MMP13: variants seen among roughly 807,000 people sequenced by gnomAD.
The protein encoded by MMP13 is collagenase 3.
In MMP13, 45 loss-of-function variants were observed where a neutral mutation model predicts 52.1. The ratio of observed to expected loss-of-function variants is 0.86; its 90% CI spans 0.68 to 1.11. The LOEUF (loss-of-function observed/expected upper bound fraction) is 1.11. MMP13 is among the 50% of genes least tolerant of loss of function. The pLI is 0.00. For missense variants in MMP13, 576 were observed against 583.8 expected (o/e 0.99, Z 0.14); for synonymous variants, 200 against 204.4 (o/e 0.98, Z 0.18).
At chr11:102,947,214 A>G (rs1162072654) in intron 8 of MMP13, among the ~76,000 whole-genome samples, 1 of 152,172 alleles carries the variant, frequency 6.6e-6, no homozygotes, top group Admixed American at 6.5e-5. Flanking sequence ...CTCTTTGGCC[A>G]CGGAAGATGG....
rs17860546 is a variant in MMP13 at position 102,951,152 on chromosome 11, G to C, written c.799+860C>G. 3.8e-3 allele frequency among the ~76,000 whole-genome samples: 581 copies of C among 152,144 alleles called. 2 individuals carry two copies. Among genetic ancestry groups the C allele is most frequent in the Non-Finnish European group, 5.6e-3 (380 of 67,982 alleles). On this transcript the variant is annotated intron_variant, in intron 5 of 9. Transcript: ENST00000260302. ...TAAATATTATTGAAAACTTGGGGGG[G>C]GAAGTGAAAAGGAAGAATTTTTTTT...
Position 102,947,865 on chromosome 11 carries a change from T to C in MMP13, c.1211+26A>G, listed in dbSNP as rs782036167. 2.5e-6 allele frequency: 4 copies of C among 1,613,438 alleles called. No individual in the cohort carries two copies. In the African/African-American group the frequency reaches 4.0e-5, roughly 16 times the overall value. On this transcript the variant is annotated intron_variant, in intron 8 of 9. Coordinates refer to ENST00000260302, the MANE Select transcript of MMP13 (RefSeq NM_002427.4). ...AGGCACTTTGCGGCTATGACACAGA[T>C]GGGTCAGTACCTACTGCTGCCATAC...
Position 102,955,117 on chromosome 11 carries a change from G to A in MMP13, c.362+135C>T, listed in dbSNP as rs959265413. ...AATGTAACAATAATAGATGTTATGA[G>A]GTATTCTCGGCAACCATATTAAAGC... On this transcript the variant is annotated intron_variant, in intron 2 of 9. Coordinates refer to ENST00000260302, the MANE Select transcript of MMP13 (RefSeq NM_002427.4). This position sits in a 1 kb window ranked among gnomAD's most constrained non-coding sequence, Gnocchi z 4.9. The A allele has an allele frequency of 2.2e-6, 2 of 925,040 alleles. No individual in the cohort carries two copies. Among genetic ancestry groups the A allele is most frequent in the East Asian group, 5.2e-5 (2 of 38,284 alleles). 57.3% of individuals were successfully genotyped at this position (925,040 alleles called of 1,614,324 possible). A position where few individuals can be genotyped will look rare whatever the true frequency, so the allele number is the denominator to read the frequency against.
chr11:102,947,251 A>G (rs368091938), intron 8 of MMP13, among the ~76,000 whole-genome samples: 1 of 152,192 alleles, frequency 6.6e-6, no homozygotes, highest in Admixed American at 6.5e-5. Context: ...GGAGAAAGTG[A>G]CAAGAAAGAG....
rs1057518391 is a variant in MMP13, at chr11:102,948,052, T to G, written c.1052-2A>C. On this transcript the variant is annotated splice_acceptor_variant, in intron 7 of 9. Coordinates refer to ENST00000260302, the MANE Select transcript of MMP13 (RefSeq NM_002427.4). LOFTEE classifies it high-confidence loss of function. ...CATTAAGAGCCCAAAATTTTCTACC[T>G]GGAATGAGTGAAATAACAGTTCTAT... 1.2e-6 allele frequency: 2 copies of G among 1,612,778 alleles called. No homozygotes were observed. Among genetic ancestry groups the G allele is most frequent in the Non-Finnish European group, 1.7e-6 (2 of 1,179,246 alleles).
At position 102,955,023 on chromosome 11, in the gene MMP13, T is replaced by C. The variant is rs1196395505; in HGVS notation, c.362+229A>G. Among the ~76,000 whole-genome samples, 1 of 152,180 alleles carries C rather than the reference T, an allele frequency of 6.6e-6. No individual in the cohort carries two copies. The highest frequency in any genetic ancestry group is 2.4e-5 in the African/African-American group (1 of 41,452). On this transcript the variant is annotated intron_variant, in intron 2 of 9. Coordinates refer to ENST00000260302, the MANE Select transcript of MMP13 (RefSeq NM_002427.4). This position sits in a 1 kb window ranked among gnomAD's most constrained non-coding sequence, Gnocchi z 4.9. ...TTTGCAAATTTTCTTTAACCTACTTTTATTTCTCTTTTGATTTCATCTCTA... is the reference window on the plus strand; with the variant it reads ...TTTGCAAATTTTCTTTAACCTACTTCTATTTCTCTTTTGATTTCATCTCTA...
chr11:102,950,203 G>A lies in MMP13; in HGVS notation c.824C>T (p.Pro275Leu). 1 of 1,613,770 alleles carries A rather than the reference G, an allele frequency of 6.2e-7. No individual in the cohort carries two copies. Among genetic ancestry groups the A allele is most frequent in the Non-Finnish European group, 8.5e-7 (1 of 1,179,704 alleles). The change falls in exon 6 of 10, where the codon CCT becomes CTT. Residue 275 changes from proline (P) to leucine (L), a missense_variant. Coordinates refer to ENST00000260302, the MANE Select transcript of MMP13 (RefSeq NM_002427.4). Reference sequence around the variant, plus strand: ...TTTGTCTGGCGTTTTTGGATGTTTAGGGTTGGGGTCTTCATCTCCTGGACC... The same window carrying A: ...TTTGTCTGGCGTTTTTGGATGTTTAAGGTTGGGGTCTTCATCTCCTGGACC... ...LYGPGDEDPN[P>L]KHPKTPDKCD...
intron 4 of MMP13, among the ~76,000 whole-genome samples, chr11:102,953,247 C>T (rs1485949239): frequency 6.6e-6 from 1 of 152,152 alleles, no homozygotes; most frequent in Non-Finnish European, 1.5e-5. Context: ...TCTACCTTAA[C>T]AATGCTGGAT....
In MMP13 at chr11:102,950,069, G is replaced by A. The variant is rs1860584078; in HGVS notation, c.917+41C>T. The A allele has an allele frequency of 4.0e-6, 6 of 1,507,052 alleles. No homozygotes were observed. The East Asian group carries it at 6.8e-5, about 17-fold the overall frequency. The allele number at this position is 1,507,052 out of a possible 1,614,324, so 93.4% of individuals were successfully genotyped here. On this transcript the variant is annotated intron_variant, in intron 6 of 9. Coordinates refer to ENST00000260302, the MANE Select transcript of MMP13 (RefSeq NM_002427.4). ...AATATGCAGAAGCAGCTTCACAGAT[G>A]TTTGTCGCATACAGACTTTATGAAA...
Position 102,943,310 on chromosome 11 carries a change from C to T in MMP13, c.*956G>A, listed in dbSNP as rs1860439558. 2.0e-5 allele frequency: 3 copies of T among 152,046 alleles called. No individual in the cohort carries two copies. The highest frequency in any genetic ancestry group is 7.2e-5 in the African/African-American group (3 of 41,406). 9.4% of individuals were successfully genotyped at this position (152,046 alleles called of 1,614,324 possible). On this transcript the variant is annotated 3_prime_UTR_variant, in exon 10 of 10. Coordinates refer to ENST00000260302, the MANE Select transcript of MMP13 (RefSeq NM_002427.4). ...GTCTCTTTTTTAATATACATACTTCCACTTTATAAGATATATTTTATTTCA... is the reference window on the plus strand; with the variant it reads ...GTCTCTTTTTTAATATACATACTTCTACTTTATAAGATATATTTTATTTCA...
At position 102,947,872 on chromosome 11, in the gene MMP13, G is replaced by A. The variant is rs373430218; in HGVS notation, c.1211+19C>T. On this transcript the variant is annotated intron_variant, in intron 8 of 9. Transcript: ENST00000260302. The stretch of plus-strand genomic sequence containing the variant: ...TTGCGGCTATGACACAGATGGGTCA[G>A]TACCTACTGCTGCCATACCTCCAGA... 9.1e-5 allele frequency: 147 copies of A among 1,613,556 alleles called. No homozygotes were observed. Among genetic ancestry groups the A allele is most frequent in the Middle Eastern group, 1.6e-4 (1 of 6,076 alleles).
At chr11:102,948,943 C>A (rs1860561419) in intron 7 of MMP13, 82 bp downstream of exon 7, 1 of 1,555,530 alleles carries the variant, frequency 6.4e-7, no homozygotes, top group African/African-American at 1.4e-5. Context: ...CAGTAGTGAT[C>A]ATTTTACTGA....
At chr11:102,946,458 A>G (rs1329255725) in intron 8 of MMP13, among the ~76,000 whole-genome samples, 3 of 152,386 alleles carry the variant, frequency 2.0e-5, no homozygotes, top group South Asian at 2.1e-4. Flanking sequence ...ATGTGTATAC[A>G]CATAACTGCA....
chr11:102,954,281 T>C lies in MMP13; in HGVS notation c.512A>G (p.Glu171Gly), dbSNP rs202231908. The change falls in exon 4 of 10, where the codon GAG becomes GGG. Residue 171 changes from glutamate to glycine, a missense_variant and splice_region_variant. Physicochemically the swap from Glu to Gly is moderately conservative, Grantham distance 98. Transcript: ENST00000260302. Reference sequence around the variant, plus strand: ...ATCAAATGGGTAGAAGTCGCCATGCTCTACACACAAAAGCAAGGGTTAGGA... The same window carrying C: ...ATCAAATGGGTAGAAGTCGCCATGCCCTACACACAAAAGCAAGGGTTAGGA... ...ADIMISFGIK[E>G]HGDFYPFDGP... 2.0e-5 allele frequency: 33 copies of C among 1,613,552 alleles called. No individual in the cohort carries two copies. The highest frequency in any genetic ancestry group is 2.5e-5 in the Non-Finnish European group (29 of 1,179,742).
At position 102,944,309 on chromosome 11, in the gene MMP13, C is replaced by G; in HGVS notation, c.1373G>C (p.Arg458Pro). 1 of 1,612,940 alleles carries G rather than the reference C, an allele frequency of 6.2e-7. No individual in the cohort carries two copies. The highest frequency in any genetic ancestry group is 2.2e-5 in the East Asian group (1 of 44,824). Residue 458 changes from arginine (R) to proline (P), a missense_variant, in exon 10 of 10, where the codon CGT becomes CCT. Physicochemically the swap from Arg to Pro is moderately radical, Grantham distance 103 (BLOSUM62 -2). Transcript: ENST00000260302. ...ATTTGCTGGCATGACGCGAACAATA[C>G]GGTTACTCCAGATGCTGTATTCAAA... Reference protein sequence around the residue: ...IQFEYSIWSNRIVRVMPANSI... With the variant: ...IQFEYSIWSNPIVRVMPANSI...
At position 102,944,574 on chromosome 11, in the gene MMP13, TCCTCCTACACAG is replaced by T. The variant is rs1555016441; in HGVS notation, c.1316-220_1316-209del. 3.3e-5 allele frequency among the ~76,000 whole-genome samples: 5 copies of T among 152,014 alleles called. No individual in the cohort carries two copies. In the South Asian group the frequency reaches 6.2e-4, roughly 19 times the overall value. ...TTTAGTTGTTCTTTTAAGGTGTGAA[TCCTCCTACACAG>T]TTTTGCTACTTGGATTATCGATTTT... On this transcript the variant is annotated intron_variant, in intron 9 of 9. Transcript: ENST00000260302.
rs782707593 is a variant in MMP13, at chr11:102,944,165, C to A, written c.*101G>T. The A allele has an allele frequency of 4.6e-6, 4 of 864,100 alleles. No individual in the cohort carries two copies. Among genetic ancestry groups the A allele is most frequent in the Non-Finnish European group, 7.8e-6 (4 of 509,656 alleles). The allele number at this position is 864,100 out of a possible 1,614,324, so 53.5% of individuals were successfully genotyped here. A position where few individuals can be genotyped will look rare whatever the true frequency, so the allele number is the denominator to read the frequency against. Reference sequence around the variant, plus strand: ...AACTTACTGAAGCTTGTTCACAGAACCAAGCTTTCTCCTGATAGCTCTTCT... The same window carrying A: ...AACTTACTGAAGCTTGTTCACAGAAACAAGCTTTCTCCTGATAGCTCTTCT... On this transcript the variant is annotated 3_prime_UTR_variant, in exon 10 of 10. Coordinates refer to ENST00000260302, the MANE Select transcript of MMP13 (RefSeq NM_002427.4).
Position 102,944,062 on chromosome 11 carries a change from C to A in MMP13, c.*204G>T. ...CAAGAATCAGATGCTCTTTAGAGAT[C>A]CTCCATTTCATTACTCTAACATTCT... is the stretch of plus-strand genomic sequence containing the variant. On this transcript the variant is annotated 3_prime_UTR_variant, in exon 10 of 10. Transcript: ENST00000260302. The A allele has an allele frequency of 1.9e-6, 1 of 539,512 alleles. No individual in the cohort carries two copies. Among genetic ancestry groups the A allele is most frequent in the South Asian group, 1.7e-5 (1 of 58,862 alleles). The allele number at this position is 539,512 out of a possible 1,614,324, so 33.4% of individuals were successfully genotyped here.
chr11:102,943,534 AT>A lies in MMP13; in HGVS notation c.*731del, dbSNP rs1353667673. Reference sequence around the variant, plus strand: ...ATGTGTGACTTCTGAAGAACCTGAAATATTTTAATAAAAAGACATCATCCTT... The same window carrying A: ...ATGTGTGACTTCTGAAGAACCTGAAAATTTTAATAAAAAGACATCATCCTT... On this transcript the variant is annotated 3_prime_UTR_variant, in exon 10 of 10. Transcript: ENST00000260302. 6.6e-6 allele frequency: 1 copy of A among 152,218 alleles called. No individual in the cohort carries two copies. Among genetic ancestry groups the A allele is most frequent in the Non-Finnish European group, 1.5e-5 (1 of 68,028 alleles). The allele number at this position is 152,218 out of a possible 1,614,324, so 9.4% of individuals were successfully genotyped here. A position where few individuals can be genotyped will look rare whatever the true frequency, so the allele number is the denominator to read the frequency against.
Sources: gnomAD v4.1 joint callset for allele counts (sites outside exome capture counted in the v4.1 genomes callset) on GRCh38, gnomAD v4.1.1 for gene constraint, Gnocchi (gnomAD v3.1) non-coding constraint, MANE v1.5 for transcripts, NCBI Gene and HGNC (gene_info 2026-07-23, HGNC 2026-07-21) for gene names.